Variants in ARMH4 observed in about 807,000 individuals in gnomAD.
ARMH4 encodes the protein armadillo like helical domain containing 4.
In ARMH4, 49 loss-of-function variants were observed where a neutral mutation model predicts 61.9. The ratio of observed to expected loss-of-function variants is 0.79; its 90% CI spans 0.63 to 1.00. ARMH4 has a LOEUF of 1.00. Ranked by LOEUF, ARMH4 falls within the 50% of genes least tolerant of loss-of-function variation. ARMH4 has a pLI of 0.00. For synonymous variants in ARMH4, 368 were observed against 341.5 expected, an observed-to-expected ratio of 1.08 and a Z score of -0.85; for missense variants, 934 against 930.0, an observed-to-expected ratio of 1.00 and a Z score of -0.06.
intron 4 of ARMH4, chr14:58,116,604 A>G (rs891549621): frequency 1.2e-5 from 2 of 165,310 alleles, no homozygotes; most frequent in African/African-American, 2.4e-5. Context: ...TGAGCCTGGG[A>G]AGCCAAGGCT....
chr14:58,083,172 G>A (rs774718999), intron 5 of ARMH4, among the ~76,000 whole-genome samples: 1 of 152,180 alleles, frequency 6.6e-6, no homozygotes, highest in Non-Finnish European at 1.5e-5. Flanking sequence ...ACTGGCATTT[G>A]CAGACAGATA....
intron 4 of ARMH4, among the ~76,000 whole-genome samples, chr14:58,130,329 C>G (rs1249644218): frequency 6.6e-6 from 1 of 152,218 alleles, no homozygotes; most frequent in East Asian, 1.9e-4. Flanking sequence ...GTTCCTCTGT[C>G]AGCAGCCAAC....
At chr14:58,141,523 C>T in intron 1 of ARMH4, 1 of 533,566 alleles carries the variant, frequency 1.9e-6, no homozygotes, top group Non-Finnish European at 3.8e-6. Context: ...TGAGCCTTCC[C>T]TCCGCCAGCT....
intron 5 of ARMH4, among the ~76,000 whole-genome samples, chr14:58,054,816 G>T (rs1259774516): frequency 6.6e-6 from 1 of 151,016 alleles, no homozygotes; most frequent in Non-Finnish European, 1.5e-5. Flanking sequence ...GGCAGAGATT[G>T]CAGTGAGCCA....
At chr14:58,149,866 T>C (rs1004570514) in intron 1 of ARMH4, among the ~76,000 whole-genome samples, 1 of 152,194 alleles carries the variant, frequency 6.6e-6, no homozygotes, top group African/African-American at 2.4e-5. Flanking sequence ...ATAGAAGACA[T>C]ACTAGCATGC....
At chr14:58,109,360 T>C (rs1886271840) in intron 4 of ARMH4, among the ~76,000 whole-genome samples, 3 of 152,182 alleles carry the variant, frequency 2.0e-5, no homozygotes, top group Admixed American at 1.3e-4. Context: ...CAACCAATTG[T>C]CCCAGAACTT....
At chr14:58,094,415 G>T (rs1432142757) in intron 5 of ARMH4, among the ~76,000 whole-genome samples, 2 of 151,256 alleles carry the variant, frequency 1.3e-5, no homozygotes, top group African/African-American at 4.9e-5. Context: ...TTTGTCCTAA[G>T]CCTCAAGCCT....
At chr14:58,096,442 G>C (rs1885750567) in intron 5 of ARMH4, among the ~76,000 whole-genome samples, 1 of 152,166 alleles carries the variant, frequency 6.6e-6, no homozygotes, top group South Asian at 2.1e-4. Context: ...TCAGGCAACT[G>C]TACTCATAAT....
chr14:58,030,321 G>C (rs1883183119), intron 5 of ARMH4, among the ~76,000 whole-genome samples: 1 of 152,190 alleles, frequency 6.6e-6, no homozygotes, highest in South Asian at 2.1e-4. Context: ...CCAGAAATAG[G>C]AAGTCCTCTT....
At chr14:58,016,960 C>G (rs948194619) in intron 5 of ARMH4, among the ~76,000 whole-genome samples, 3 of 152,168 alleles carry the variant, frequency 2.0e-5, no homozygotes, top group Non-Finnish European at 2.9e-5. Flanking sequence ...TTCAACTTTG[C>G]AGTGGAAGTC....
intron 5 of ARMH4, among the ~76,000 whole-genome samples, chr14:58,092,055 G>A (rs750564338): frequency 1.4e-4 from 21 of 152,182 alleles, no homozygotes; most frequent in Non-Finnish European, 2.8e-4. Context: ...CTATGTTCCT[G>A]CTCTTGGCAC....
intron 5 of ARMH4, among the ~76,000 whole-genome samples, chr14:58,061,535 T>G (rs995957405): frequency 6.6e-6 from 1 of 152,220 alleles, no homozygotes; most frequent in Admixed American, 6.5e-5. Context: ...AAAGCCAGAA[T>G]CTGGTTAATC....
At chr14:58,118,910 A>G (rs1886625276) in intron 4 of ARMH4, among the ~76,000 whole-genome samples, 1 of 152,156 alleles carries the variant, frequency 6.6e-6, no homozygotes, top group South Asian at 2.1e-4. Context: ...TGAAGCAGAC[A>G]CCTTAAAAAA....
In ARMH4 at chr14:58,133,126, C is replaced by A; in HGVS notation, c.1585G>T (p.Val529Phe). Residue 529 changes from valine (V) to phenylalanine (F), a missense_variant, in exon 3 of 8, where the codon GTC becomes TTC. By Grantham distance (50) the Val-to-Phe change is conservative. Transcript: ENST00000267485. The stretch of plus-strand genomic sequence containing the variant: ...GGAGTAACTTCAAAAGACAAAGGGA[C>A]GACTGTAGTTGAAATTGTAGTGGCC... ...PLATTISTTV[V>F]PLSFEVTPTV... 6.2e-7 allele frequency: 1 copy of A among 1,614,122 alleles called. No homozygotes were observed. Among genetic ancestry groups the A allele is most frequent in the Non-Finnish European group, 8.5e-7 (1 of 1,180,022 alleles).
At chr14:58,088,681 C>T (rs1226645367) in intron 5 of ARMH4, among the ~76,000 whole-genome samples, 1 of 152,186 alleles carries the variant, frequency 6.6e-6, no homozygotes, top group Admixed American at 6.5e-5. Flanking sequence ...TGAGTATACA[C>T]CTCCATGGTC....
At chr14:58,057,785 C>T (rs1009645139) in intron 5 of ARMH4, among the ~76,000 whole-genome samples, 20 of 152,186 alleles carry the variant, frequency 1.3e-4, no homozygotes, top group African/African-American at 4.8e-4. Context: ...AAGACAAGCT[C>T]TAATGGTCTG....
intron 5 of ARMH4, among the ~76,000 whole-genome samples, chr14:58,031,620 A>G (rs1365772864): frequency 6.6e-6 from 1 of 152,168 alleles, no homozygotes; most frequent in Non-Finnish European, 1.5e-5. Context: ...CTTGCAACAG[A>G]CTTCGGCGAG....
intron 5 of ARMH4, among the ~76,000 whole-genome samples, chr14:58,019,442 G>T (rs997689144): frequency 1.3e-5 from 2 of 152,022 alleles, no homozygotes; most frequent in African/African-American, 2.4e-5. Context: ...GTAGTCATGG[G>T]TTATTAAAAA....
intron 5 of ARMH4, among the ~76,000 whole-genome samples, chr14:58,038,948 C>G (rs1039584985): frequency 6.6e-6 from 1 of 152,196 alleles, no homozygotes; most frequent in Non-Finnish European, 1.5e-5. Flanking sequence ...CACTGCGTAG[C>G]TCTTCTGTCG....
Sources: allele counts gnomAD v4.1 joint callset (sites outside exome capture counted in the v4.1 genomes callset), GRCh38; gene constraint gnomAD v4.1.1; transcripts MANE v1.5; gene names NCBI Gene and HGNC (gene_info 2026-07-23, HGNC 2026-07-21).